CCDC69: variants seen among roughly 807,000 people sequenced by gnomAD.
CCDC69 encodes the protein coiled-coil domain-containing protein 69.
CCDC69 carries 38 observed loss-of-function variants against 40.3 expected under a neutral mutation model. That is an observed-to-expected ratio of 0.94 (90% CI 0.73 to 1.24). The LOEUF (loss-of-function observed/expected upper bound fraction) is 1.24. Ranked by LOEUF, CCDC69 falls within the 50% of genes most tolerant of loss-of-function variation. The pLI, the probability that CCDC69 is intolerant of heterozygous loss-of-function variation, is 0.00. For missense variants in CCDC69, 389 were observed against 357.9 expected, an observed-to-expected ratio of 1.09 and a Z score of -0.70; for synonymous variants, 141 against 138.9, an observed-to-expected ratio of 1.02 and a Z score of -0.11.
At chr5:151,208,415 G>C (rs1752883336) in intron 1 of CCDC69, among the ~76,000 whole-genome samples, 1 of 152,232 alleles carries the variant, frequency 6.6e-6, no homozygotes, top group Non-Finnish European at 1.5e-5. Context: ...TTCTAGAATA[G>C]CCTGCTTCTC....
intron 1 of CCDC69, chr5:151,210,699 A>T (rs1752933446): frequency 6.9e-6 from 1 of 144,254 alleles, no homozygotes; most frequent in South Asian, 2.2e-4. Flanking sequence ...TAGGTGTGGT[A>T]GCTCACACCT....
rs1207483663 is a variant in CCDC69, at chr5:151,183,335, T to C, written c.*102A>G. ...GATCTCCATCTCGCTCCCACCCTCG[T>C]TCCTTCCTGGAAAAGAACTGAGAGG... On this transcript the variant is annotated 3_prime_UTR_variant, in exon 9 of 9. Transcript: ENST00000355417. 2 of 1,347,362 alleles carry C rather than the reference T, an allele frequency of 1.5e-6. No individual in the cohort carries two copies. Among genetic ancestry groups the C allele is most frequent in the South Asian group, 1.3e-5 (1 of 79,576 alleles). 83.5% of individuals were successfully genotyped at this position (1,347,362 alleles called of 1,614,324 possible). A position where few individuals can be genotyped will look rare whatever the true frequency, so the allele number is the denominator to read the frequency against.
intron 6 of CCDC69, 30 bp downstream of exon 6, chr5:151,185,993 A>G: frequency 6.6e-7 from 1 of 1,512,986 alleles, no homozygotes; most frequent in Non-Finnish European, 9.2e-7. Flanking sequence ...AGATTCAAGG[A>G]GGAAAAGCGC....
chr5:151,198,587 A>G (rs1437998383), intron 4 of CCDC69, among the ~76,000 whole-genome samples: 1 of 152,184 alleles, frequency 6.6e-6, no homozygotes, highest in African/African-American at 2.4e-5. Context: ...TTCTGTGATG[A>G]TCACCTTTGG....
rs112218429 is a variant in CCDC69, at chr5:151,201,074, G to A, written c.231+508C>T. ...ACTACCTACCCATTTTGTGTGGCAGGGAGCTCTGCTGCCAGGGATTATCCA... is the reference window on the plus strand; with the variant it reads ...ACTACCTACCCATTTTGTGTGGCAGAGAGCTCTGCTGCCAGGGATTATCCA... On this transcript the variant is annotated intron_variant, in intron 3 of 8. Coordinates refer to ENST00000355417, the MANE Select transcript of CCDC69 (RefSeq NM_015621.3). Among the ~76,000 whole-genome samples the A allele has an allele frequency of 1.4e-4, 21 of 152,254 alleles. 1 individual carries two copies. Among genetic ancestry groups the A allele is most frequent in the African/African-American group, 4.8e-4 (20 of 41,536 alleles).
chr5:151,203,363 AGGTGGG>A (rs1227457241), intron 2 of CCDC69, among the ~76,000 whole-genome samples: 1 of 151,538 alleles, frequency 6.6e-6, no homozygotes. Context: ...AAAAAAATTT[AGGTGGG>A]CATGGTGGCA....
At chr5:151,197,011 T>C (rs1188744642) in intron 4 of CCDC69, among the ~76,000 whole-genome samples, 1 of 152,166 alleles carries the variant, frequency 6.6e-6, no homozygotes, top group Non-Finnish European at 1.5e-5. Context: ...GTCTGTGCAA[T>C]GGCAAATTAC....
Position 151,199,085 on chromosome 5 carries a change from C to G in CCDC69, c.232-1G>C, listed in dbSNP as rs1166682929. On this transcript the variant is annotated splice_acceptor_variant, in intron 3 of 8. Transcript: ENST00000355417. LOFTEE classifies it high-confidence loss of function. The stretch of plus-strand genomic sequence containing the variant: ...GCTCTAGCTCCCTTTCCTTCTCCAC[C>G]TGGGGGCAGAGAGTCCCGGGCAGGA... 1.9e-6 allele frequency: 3 copies of G among 1,613,374 alleles called. No homozygotes were observed. The highest frequency in any genetic ancestry group is 1.7e-5 in the Admixed American group (1 of 60,014).
chr5:151,195,656 T>C (rs537758687), intron 4 of CCDC69, among the ~76,000 whole-genome samples: 1 of 132,260 alleles, frequency 7.6e-6, no homozygotes, highest in East Asian at 2.1e-4. Context: ...GAGGCGGAGG[T>C]TACAGTGAAC....
chr5:151,195,550 C>T (rs1752684314), intron 4 of CCDC69, among the ~76,000 whole-genome samples: 1 of 151,950 alleles, frequency 6.6e-6, no homozygotes, highest in African/African-American at 2.4e-5. Flanking sequence ...GAAACCCTGT[C>T]TCTACTAAAA....
At chr5:151,213,749 A>G (rs999719567) in intron 1 of CCDC69, among the ~76,000 whole-genome samples, 2 of 152,204 alleles carry the variant, frequency 1.3e-5, no homozygotes, top group Non-Finnish European at 2.9e-5. Flanking sequence ...TCTGTTTGTC[A>G]GCCTTCAAGG....
At chr5:151,196,151 G>GTTGTT in intron 4 of CCDC69, among the ~76,000 whole-genome samples, 1 of 152,198 alleles carries the variant, frequency 6.6e-6, no homozygotes, top group Admixed American at 6.5e-5. Flanking sequence ...CATGTGTTTT[G>GTTGTT]TTGTTTTGTT....
intron 4 of CCDC69, 71 bp from the exon 5 acceptor site, chr5:151,187,530 C>A: frequency 1.6e-6 from 2 of 1,240,782 alleles, no homozygotes; most frequent in Non-Finnish European, 2.4e-6. Context: ...CCCTTGGTGG[C>A]CAGGAAGGTC....
At chr5:151,209,100 T>C (rs982987275) in intron 1 of CCDC69, among the ~76,000 whole-genome samples, 10 of 152,230 alleles carry the variant, frequency 6.6e-5, no homozygotes, top group Admixed American at 5.9e-4. Context: ...TCCAGAATTC[T>C]AGAATCACAC....
In CCDC69 at chr5:151,187,453, C is replaced by T. The variant is rs746175735; in HGVS notation, c.326G>A (p.Arg109Gln). The change falls in exon 5 of 9, where the codon CGG (arginine) becomes CAG (glutamine). Residue 109 changes from arginine (R) to glutamine (Q), a missense_variant. Physicochemically the swap from Arg to Gln is conservative, Grantham distance 43. Coordinates refer to ENST00000355417, the MANE Select transcript of CCDC69 (RefSeq NM_015621.3). ...TTCTTTCTCCTGTTCATATGAGGCC[C>T]GGAGGACTGTAGGGAAAGGAGAACT... ...GKNEEALQVLRASYEQEKEAL... is the reference protein window; with the variant it reads ...GKNEEALQVLQASYEQEKEAL... 3.3e-5 allele frequency: 53 copies of T among 1,613,520 alleles called. No individual in the cohort carries two copies. Among genetic ancestry groups the T allele is most frequent in the East Asian group, 6.7e-5 (3 of 44,862 alleles).
Position 151,222,468 on chromosome 5 carries a change from A to G in CCDC69, c.48+1455T>C, listed in dbSNP as rs562337446. ...TCACCCTTGGTCCACTTTGCAAGCT[A>G]CAAGGTTGACACAGGTGCAGAGAAC... On this transcript the variant is annotated intron_variant, in intron 1 of 8. Coordinates refer to ENST00000355417, the MANE Select transcript of CCDC69 (RefSeq NM_015621.3). Among the ~76,000 whole-genome samples the G allele has an allele frequency of 1.7e-3, 252 of 152,338 alleles. 1 individual carries two copies. The highest frequency in any genetic ancestry group is 5.3e-3 in the African/African-American group (219 of 41,574).
At chr5:151,204,699 C>T (rs889402091) in intron 2 of CCDC69, among the ~76,000 whole-genome samples, 5 of 151,918 alleles carry the variant, frequency 3.3e-5, no homozygotes, top group South Asian at 2.1e-4. Context: ...TTTTTATTTT[C>T]GTACCATGGA....
intron 3 of CCDC69, among the ~76,000 whole-genome samples, chr5:151,199,740 A>G (rs1479971657): frequency 1.3e-5 from 2 of 152,264 alleles, no homozygotes; most frequent in Non-Finnish European, 2.9e-5. Flanking sequence ...TCAACTTGAC[A>G]ATACCTGGGG....
At chr5:151,191,679 A>T (rs1752612924) in intron 4 of CCDC69, among the ~76,000 whole-genome samples, 1 of 152,242 alleles carries the variant, frequency 6.6e-6, no homozygotes. Flanking sequence ...ATGAAAATAA[A>T]ACCATCAATA....
Sources: allele counts gnomAD v4.1 joint callset (sites outside exome capture counted in the v4.1 genomes callset), GRCh38; gene constraint gnomAD v4.1.1; transcripts MANE v1.5; gene names NCBI Gene and HGNC (gene_info 2026-07-23, HGNC 2026-07-21).